The following RHOU variants were observed in gnomAD, a reference collection of about 807,000 sequenced individuals.
The protein encoded by RHOU is rho-related GTP-binding protein RhoU.
In RHOU, 8 loss-of-function variants were observed where a neutral mutation model predicts 12.6. That is an observed-to-expected ratio of 0.64 (90% CI 0.37 to 1.15). The LOEUF is 1.15. Among genes scored for constraint, RHOU ranks in the 50% most tolerant of loss-of-function variants. The pLI is 0.01. For missense variants in RHOU, 258 were observed against 347.0 expected, an observed-to-expected ratio of 0.74 and a Z score of 2.04; for synonymous variants, 161 against 147.4, an observed-to-expected ratio of 1.09 and a Z score of -0.67.
chr1:228,687,109 A>G, the RHOU span, among the ~76,000 whole-genome samples: 1 of 151,954 alleles, frequency 6.6e-6, no homozygotes, highest in African/African-American at 2.4e-5. Context: ...AGTACACAAA[A>G]CTCATTTTCC....
the RHOU span, among the ~76,000 whole-genome samples, chr1:228,682,856 C>T: frequency 6.6e-6 from 1 of 152,118 alleles, no homozygotes; most frequent in Non-Finnish European, 1.5e-5. Flanking sequence ...GGATGTCACT[C>T]AAATCTGACA....
chr1:228,682,001 T>C, the RHOU span, among the ~76,000 whole-genome samples: 4 of 151,958 alleles, frequency 2.6e-5, no homozygotes, highest in Non-Finnish European at 4.4e-5. Context: ...GGGGTGTGGG[T>C]GAATAATCAA....
chr1:228,724,245 T>G, the RHOU span, among the ~76,000 whole-genome samples: 1 of 152,206 alleles, frequency 6.6e-6, no homozygotes, highest in African/African-American at 2.4e-5. Context: ...CAATCTATCT[T>G]ATTTAGTTGG....
At chr1:228,683,790 T>A in the RHOU span, among the ~76,000 whole-genome samples, 7 of 152,300 alleles carry the variant, frequency 4.6e-5, no homozygotes, top group African/African-American at 1.7e-4. Context: ...CCTAAGAAAC[T>A]GTGCGGTGGG....
At chr1:228,688,326 C>A in the RHOU span, among the ~76,000 whole-genome samples, 1 of 152,160 alleles carries the variant, frequency 6.6e-6, no homozygotes, top group Non-Finnish European at 1.5e-5. Flanking sequence ...CTGTAGCTGA[C>A]ACAGGTTTCC....
At chr1:228,671,943 A>C in the RHOU span, among the ~76,000 whole-genome samples, 1 of 152,164 alleles carries the variant, frequency 6.6e-6, no homozygotes, top group African/African-American at 2.4e-5. Flanking sequence ...GTTCTTGTAC[A>C]TTCTTTTGAA....
the RHOU span, among the ~76,000 whole-genome samples, chr1:228,702,351 C>T: frequency 1.3e-5 from 2 of 152,112 alleles, no homozygotes; most frequent in African/African-American, 4.8e-5. Flanking sequence ...AATTTACATA[C>T]TAGGTATAGA....
the RHOU span, among the ~76,000 whole-genome samples, chr1:228,658,324 C>A: frequency 6.8e-6 from 1 of 147,052 alleles, no homozygotes; most frequent in Non-Finnish European, 1.5e-5. Context: ...AAGGTGGATT[C>A]TTTAGGTGAT....
chr1:228,703,293 G>A, the RHOU span, among the ~76,000 whole-genome samples: 5 of 152,090 alleles, frequency 3.3e-5, no homozygotes, highest in Non-Finnish European at 5.9e-5. Context: ...TTGGGAGGCC[G>A]AGGCGCGCGG....
chr1:228,681,374 G>C, the RHOU span, among the ~76,000 whole-genome samples: 2 of 152,068 alleles, frequency 1.3e-5, no homozygotes, highest in African/African-American at 4.8e-5. Context: ...GGCGGGGAGC[G>C]AGCTGAGGAG....
the RHOU span, among the ~76,000 whole-genome samples, chr1:228,704,485 C>T: frequency 1.3e-5 from 2 of 152,164 alleles, no homozygotes; most frequent in East Asian, 3.9e-4. Context: ...GAGTCTTGCC[C>T]TGTCACCCAG....
chr1:228,647,686 G>A, the RHOU span, among the ~76,000 whole-genome samples: 1 of 152,206 alleles, frequency 6.6e-6, no homozygotes, highest in Non-Finnish European at 1.5e-5. Context: ...CTGCACCTTA[G>A]TGATCTGAGG....
chr1:228,659,971 A>AC, the RHOU span, among the ~76,000 whole-genome samples: 23,483 of 117,146 alleles, frequency 0.2, 2,310 homozygotes, highest in African/African-American at 0.28. Context: ...AAAAACAAAA[A>AC]AAAAAAAAAA....
upstream of RHOU, among the ~76,000 whole-genome samples, chr1:228,731,235 G>A (rs1662489500): frequency 1.3e-5 from 2 of 152,180 alleles, no homozygotes; most frequent in South Asian, 2.1e-4. Flanking sequence ...ATAGGGACAA[G>A]CACAAATATA....
At chr1:228,677,298 AAG>A in the RHOU span, among the ~76,000 whole-genome samples, 2 of 152,344 alleles carry the variant, frequency 1.3e-5, no homozygotes, top group East Asian at 3.9e-4. Flanking sequence ...AAATAAGAGA[AAG>A]AGAAAAACAG....
At chr1:228,663,996 C>T in the RHOU span, among the ~76,000 whole-genome samples, 12 of 116,904 alleles carry the variant, frequency 1.0e-4, no homozygotes, top group South Asian at 1.4e-3. Flanking sequence ...CCTCCCCTCC[C>T]CTCCCCTCCT....
chr1:228,736,209 C>T (rs1662607260), intron 1 of RHOU, among the ~76,000 whole-genome samples: 1 of 120,582 alleles, frequency 8.3e-6, no homozygotes, highest in Admixed American at 1.2e-4. Flanking sequence ...GAAAGGACCA[C>T]GGCGGAGTGG....
At chr1:228,694,572 GT>G in the RHOU span, among the ~76,000 whole-genome samples, 37 of 152,262 alleles carry the variant, frequency 2.4e-4, no homozygotes, top group Admixed American at 6.5e-4. Context: ...AACATGCAGT[GT>G]TTGGTTTTCT....
intron 2 of RHOU, among the ~76,000 whole-genome samples, chr1:228,740,913 T>G (rs551996380): frequency 1.7e-4 from 26 of 152,202 alleles, no homozygotes; most frequent in Non-Finnish European, 3.1e-4. Context: ...TTTTTAACAC[T>G]GGTCTTACAT....
Sources: allele counts gnomAD v4.1 joint callset (sites outside exome capture counted in the v4.1 genomes callset), GRCh38; gene constraint gnomAD v4.1.1; transcripts MANE v1.5; gene names NCBI Gene and HGNC (gene_info 2026-07-23, HGNC 2026-07-21).